METTL15: variants seen among roughly 807,000 people sequenced by gnomAD.
METTL15 encodes the protein 12S rRNA N(4)-cytidine methyltransferase METTL15.
Under a neutral mutation model 38.3 loss-of-function variants are expected in METTL15, and 34 were observed. That is an observed-to-expected ratio of 0.89 (90% CI 0.68 to 1.18). The LOEUF is 1.18. Among genes scored for constraint, METTL15 ranks in the 50% most tolerant of loss-of-function variants. METTL15 has a pLI of 0.00. For missense variants in METTL15, 438 were observed against 498.4 expected, an observed-to-expected ratio of 0.88 and a Z score of 1.15; for synonymous variants, 162 against 170.9, an observed-to-expected ratio of 0.95 and a Z score of 0.41.
At chr11:28,165,789 A>G (rs989663392) in intron 3 of METTL15, among the ~76,000 whole-genome samples, 1 of 151,860 alleles carries the variant, frequency 6.6e-6, no homozygotes, top group Admixed American at 6.6e-5. Flanking sequence ...GTATTTTCTG[A>G]TAATGTATTT....
chr11:28,159,413 C>G lies in METTL15; in HGVS notation c.270+45809C>G, dbSNP rs1236199909. On this transcript the variant is annotated intron_variant, in intron 3 of 6. Transcript: ENST00000407364. ...AGGCAGGACTACAAGTGATCCAGAC[C>G]CTTCATGAATGAAGGTTTGAATCAC... 2.0e-5 allele frequency among the ~76,000 whole-genome samples: 3 copies of G among 151,548 alleles called. No homozygotes were observed. The East Asian group carries it at 5.8e-4, about 29-fold the overall frequency.
intron 6 of METTL15, among the ~76,000 whole-genome samples, chr11:28,488,834 A>G (rs1590392169): frequency 6.6e-6 from 1 of 151,844 alleles, no homozygotes; most frequent in East Asian, 1.9e-4. Context: ...TCTTTATTCC[A>G]TCTCTTCCTT....
chr11:28,346,114 T>G (rs1455329178), intron 3 of METTL15, among the ~76,000 whole-genome samples: 1 of 152,202 alleles, frequency 6.6e-6, no homozygotes, highest in African/African-American at 2.4e-5. Flanking sequence ...ATGCATCTCA[T>G]TTTTGGAATA....
chr11:28,446,797 A>G (rs1851079073), intron 6 of METTL15, among the ~76,000 whole-genome samples: 1 of 152,128 alleles, frequency 6.6e-6, no homozygotes, highest in Non-Finnish European at 1.5e-5. Context: ...GTTAAAGAAA[A>G]GAAGAAAATT....
At chr11:28,169,777 A>G (rs1302464552) in intron 3 of METTL15, among the ~76,000 whole-genome samples, 1 of 149,796 alleles carries the variant, frequency 6.7e-6, no homozygotes, top group African/African-American at 2.5e-5. Flanking sequence ...TTTCTTTCAC[A>G]AAACACTTGG....
At chr11:28,388,936 G>GT (rs1211765138) in intron 5 of METTL15, among the ~76,000 whole-genome samples, 1 of 151,848 alleles carries the variant, frequency 6.6e-6, no homozygotes, top group Non-Finnish European at 1.5e-5. Flanking sequence ...GCAGTGTTCG[G>GT]TTTTTTGTCC....
chr11:28,271,839 T>C, intron 4 of METTL15, among the ~76,000 whole-genome samples: 1 of 151,912 alleles, frequency 6.6e-6, no homozygotes, highest in East Asian at 1.9e-4. Context: ...AGGGCTAATA[T>C]CCATAATCTA....
chr11:28,373,049 T>A (rs919740579), intron 5 of METTL15, among the ~76,000 whole-genome samples: 2 of 152,090 alleles, frequency 1.3e-5, no homozygotes, highest in Admixed American at 1.3e-4. Flanking sequence ...TTCCAAGTCT[T>A]TGCTATTGTG....
At chr11:28,472,417 G>T (rs1489159183) in intron 6 of METTL15, among the ~76,000 whole-genome samples, 1 of 151,976 alleles carries the variant, frequency 6.6e-6, no homozygotes, top group Non-Finnish European at 1.5e-5. Flanking sequence ...GATTTCAAGG[G>T]GCATGCTGCA....
At chr11:28,447,816 C>T (rs1851087587) in intron 6 of METTL15, among the ~76,000 whole-genome samples, 1 of 152,044 alleles carries the variant, frequency 6.6e-6, no homozygotes, top group Non-Finnish European at 1.5e-5. Flanking sequence ...TTAGGATGGC[C>T]ATATCAGTTT....
intron 3 of METTL15, among the ~76,000 whole-genome samples, chr11:28,205,574 C>T (rs1242692434): frequency 6.6e-6 from 1 of 152,056 alleles, no homozygotes; most frequent in African/African-American, 2.4e-5. Flanking sequence ...CATACGTGTG[C>T]ATGTGTCTTT....
downstream of METTL15, among the ~76,000 whole-genome samples, chr11:28,528,413 C>G (rs1239093722): frequency 6.6e-6 from 1 of 152,204 alleles, no homozygotes; most frequent in Non-Finnish European, 1.5e-5. Context: ...CTTAAAGGAA[C>G]AGTCACCTCT....
intron 4 of METTL15, among the ~76,000 whole-genome samples, chr11:28,269,441 A>G (rs1237759405): frequency 6.6e-6 from 1 of 152,038 alleles, no homozygotes; most frequent in Non-Finnish European, 1.5e-5. Context: ...TATACATATC[A>G]AGCTTTTTTA....
At position 28,113,536 on chromosome 11, in the gene METTL15, A is replaced by G. The variant is rs1213454732; in HGVS notation, c.202A>G (p.Met68Val). The change falls in exon 3 of 7, where the codon ATG (methionine) becomes GTG (valine). Residue 68 changes from methionine to valine, a missense_variant. Transcript: ENST00000407364. ...ATCTCAAGATAGAGATTTTGAAACT[A>G]TGGCTAAATTACATATTCCAGTAAT... Reference protein sequence around the residue: ...HRSQDRDFETMAKLHIPVMVD... With the variant: ...HRSQDRDFETVAKLHIPVMVD... 3 of 1,613,830 alleles carry G rather than the reference A, an allele frequency of 1.9e-6. No homozygotes were observed. Among genetic ancestry groups the G allele is most frequent in the East Asian group, 2.2e-5 (1 of 44,848 alleles).
chr11:28,381,582 T>A (rs1401016919), intron 5 of METTL15, among the ~76,000 whole-genome samples: 1 of 152,166 alleles, frequency 6.6e-6, no homozygotes. Context: ...TGACTATATT[T>A]TCATATAGGC....
At chr11:28,317,180 G>A (rs1278997562) in intron 6 of METTL15, among the ~76,000 whole-genome samples, 6 of 151,630 alleles carry the variant, frequency 4.0e-5, no homozygotes, top group Non-Finnish European at 8.8e-5. Flanking sequence ...TAGTGAGATC[G>A]TGTTGTCATC....
Position 28,181,986 on chromosome 11 carries a change from A to G in METTL15, c.271-29076A>G, listed in dbSNP as rs1160694401. Reference sequence around the variant, plus strand: ...GAGATGATATCTTGTTGTGGTTTTGATTTGCATTACTCTAATGACCAGTGT... The same window carrying G: ...GAGATGATATCTTGTTGTGGTTTTGGTTTGCATTACTCTAATGACCAGTGT... On this transcript the variant is annotated intron_variant, in intron 3 of 6. Coordinates refer to ENST00000407364, the MANE Select transcript of METTL15 (RefSeq NM_001113528.2). Among the ~76,000 whole-genome samples the G allele has an allele frequency of 2.6e-5, 4 of 152,082 alleles. No individual in the cohort carries two copies. In the East Asian group the frequency reaches 7.7e-4, roughly 29 times the overall value.
intron 3 of METTL15, among the ~76,000 whole-genome samples, chr11:28,165,332 C>T (rs1266230347): frequency 3.3e-5 from 5 of 152,032 alleles, no homozygotes; most frequent in African/African-American, 9.7e-5. Context: ...TCCACATCCT[C>T]GAAAACACTT....
At chr11:28,128,820 T>G (rs955746238) in intron 3 of METTL15, among the ~76,000 whole-genome samples, 2 of 152,172 alleles carry the variant, frequency 1.3e-5, no homozygotes, top group African/African-American at 4.8e-5. Flanking sequence ...TTTGGGATAT[T>G]CTGACCATCA....
Sources: gnomAD v4.1 joint callset for allele counts (sites outside exome capture counted in the v4.1 genomes callset) on GRCh38, gnomAD v4.1.1 for gene constraint, MANE v1.5 for transcripts, NCBI Gene and HGNC (gene_info 2026-07-23, HGNC 2026-07-21) for gene names.